The following GBE1 variants were observed in gnomAD, a reference collection of about 807,000 sequenced individuals.
GBE1 encodes 1,4-alpha-glucan-branching enzyme.
In GBE1, 70 loss-of-function variants were observed where a neutral mutation model predicts 88.8. That is an observed-to-expected ratio of 0.79 (90% CI 0.65 to 0.96). GBE1 has a LOEUF of 0.96. Ranked by LOEUF, GBE1 falls within the 40% of genes least tolerant of loss-of-function variation. GBE1 has a pLI of 0.00. For missense variants in GBE1, 872 were observed against 871.0 expected (o/e 1.00, Z -0.01); for synonymous variants, 284 against 300.1 (o/e 0.95, Z 0.56).
chr3:81,500,144 T>A (rs943934530), intron 14 of GBE1, among the ~76,000 whole-genome samples: 6 of 152,212 alleles, frequency 3.9e-5, no homozygotes, highest in African/African-American at 1.4e-4. Context: ...GAGATGAAGA[T>A]GGACACGCTA....
intron 7 of GBE1, among the ~76,000 whole-genome samples, chr3:81,629,336 T>G (rs1386203483): frequency 6.6e-6 from 1 of 151,600 alleles, no homozygotes; most frequent in African/African-American, 2.4e-5. Flanking sequence ...ATTTCATCCA[T>G]GTCCCTACAA....
intron 1 of GBE1, among the ~76,000 whole-genome samples, chr3:81,706,466 A>T (rs973128771): frequency 1.1e-4 from 17 of 152,198 alleles, no homozygotes; most frequent in Non-Finnish European, 2.1e-4. Context: ...AAAACTTGGT[A>T]AAACTGGAGA....
intron 7 of GBE1, among the ~76,000 whole-genome samples, chr3:81,636,131 C>A (rs1704588774): frequency 6.6e-6 from 1 of 152,290 alleles, no homozygotes; most frequent in Non-Finnish European, 1.5e-5. Context: ...TATATTTCTA[C>A]CATTCAAACT....
chr3:81,548,936 A>G (rs1383174145), intron 12 of GBE1, among the ~76,000 whole-genome samples: 1 of 151,140 alleles, frequency 6.6e-6, no homozygotes, highest in African/African-American at 2.4e-5. Context: ...GCTTTTGACA[A>G]TTAAGTAAAG....
intron 1 of GBE1, among the ~76,000 whole-genome samples, chr3:81,730,459 T>C (rs570429443): frequency 9.9e-5 from 15 of 152,188 alleles, no homozygotes; most frequent in Non-Finnish European, 1.9e-4. Context: ...ATTTTAGGCT[T>C]GGTGAGTTTG....
intron 15 of GBE1, among the ~76,000 whole-genome samples, chr3:81,493,214 A>G (rs1702459011): frequency 6.6e-6 from 1 of 152,216 alleles, no homozygotes; most frequent in Non-Finnish European, 1.5e-5. Context: ...TTCCCTCTAC[A>G]TTGAAAACAT....
At chr3:81,668,175 A>G (rs1303623448) in intron 3 of GBE1, among the ~76,000 whole-genome samples, 1 of 152,076 alleles carries the variant, frequency 6.6e-6, no homozygotes, top group Non-Finnish European at 1.5e-5. Flanking sequence ...AACAATGAGA[A>G]TACACGGGGA....
chr3:81,612,568 T>C (rs1046337281), intron 7 of GBE1: 2 of 734,040 alleles, frequency 2.7e-6, no homozygotes, highest in African/African-American at 3.5e-5. Flanking sequence ...GAAATGTTGT[T>C]ACCCCCAAAT....
At chr3:81,743,506 C>G in intron 1 of GBE1, 1 of 1,225,954 alleles carries the variant, frequency 8.2e-7, no homozygotes, top group Non-Finnish European at 1.2e-6. Flanking sequence ...CAACCCCCCT[C>G]TCTTACAGGC....
Position 81,574,484 on chromosome 3 carries a change from G to C in GBE1, c.1618+3441C>G, listed in dbSNP as rs538508509. Among the ~76,000 whole-genome samples the C allele has an allele frequency of 2.7e-4, 41 of 152,254 alleles. No individual in the cohort carries two copies. In the South Asian group the frequency reaches 6.6e-3, roughly 25 times the overall value. On this transcript the variant is annotated intron_variant, in intron 12 of 15. Coordinates refer to ENST00000429644, the MANE Select transcript of GBE1 (RefSeq NM_000158.4). ...CTTACCCAGATCACACAGCCAAAAA[G>C]GGAAAGGCACAGATTCCAACCCAAC...
At chr3:81,597,841 G>T (rs1703980754) in intron 7 of GBE1, among the ~76,000 whole-genome samples, 1 of 151,806 alleles carries the variant, frequency 6.6e-6, no homozygotes, top group Non-Finnish European at 1.5e-5. Flanking sequence ...GATTCTAATT[G>T]GCTTAGATGT....
chr3:81,640,580 C>T (rs1229201293), intron 7 of GBE1, among the ~76,000 whole-genome samples: 1 of 151,828 alleles, frequency 6.6e-6, no homozygotes, highest in Non-Finnish European at 1.5e-5. Context: ...TGAGTCAGTT[C>T]TCGTAATAAA....
intron 15 of GBE1, among the ~76,000 whole-genome samples, chr3:81,494,532 C>T (rs1311845549): frequency 1.3e-5 from 2 of 152,072 alleles, no homozygotes; most frequent in African/African-American, 2.4e-5. Flanking sequence ...ATATAGAAGC[C>T]ACTTATCATT....
chr3:81,531,839 C>A (rs554607148), intron 14 of GBE1, among the ~76,000 whole-genome samples: 3 of 152,050 alleles, frequency 2.0e-5, no homozygotes, highest in Non-Finnish European at 4.4e-5. Flanking sequence ...TTATCTGGAA[C>A]CCCAGGGTAC....
intron 14 of GBE1, among the ~76,000 whole-genome samples, chr3:81,522,188 T>C (rs530847561): frequency 2.6e-5 from 4 of 151,702 alleles, no homozygotes; most frequent in African/African-American, 9.6e-5. Context: ...CTAAGAAGCA[T>C]GTTAAATGCC....
chr3:81,741,853 A>T (rs1294755246), intron 1 of GBE1, among the ~76,000 whole-genome samples: 1 of 147,652 alleles, frequency 6.8e-6, no homozygotes, highest in South Asian at 2.1e-4. Context: ...TATAATATAT[A>T]GTTTTTTATA....
intron 2 of GBE1, among the ~76,000 whole-genome samples, chr3:81,682,156 A>G (rs1301604574): frequency 6.6e-6 from 1 of 152,224 alleles, no homozygotes; most frequent in African/African-American, 2.4e-5. Flanking sequence ...CAAATGGACA[A>G]TAAGCATACA....
chr3:81,738,660 C>T (rs996913844), intron 1 of GBE1, among the ~76,000 whole-genome samples: 4 of 151,936 alleles, frequency 2.6e-5, no homozygotes, highest in African/African-American at 9.7e-5. Context: ...GAATGTAATT[C>T]CTTGGGTCAT....
intron 7 of GBE1, among the ~76,000 whole-genome samples, chr3:81,598,401 T>C (rs922427537): frequency 3.2e-4 from 2 of 6,318 alleles, no homozygotes; most frequent in Non-Finnish European, 4.8e-4. Flanking sequence ...AGGTATAGAA[T>C]GCCAAAAAAG....
Sources: allele counts gnomAD v4.1 joint callset (sites outside exome capture counted in the v4.1 genomes callset), GRCh38; gene constraint gnomAD v4.1.1; transcripts MANE v1.5; gene names NCBI Gene and HGNC (gene_info 2026-07-23, HGNC 2026-07-21).